The following KRT75 variants were observed in gnomAD, a reference collection of about 807,000 sequenced individuals.
KRT75 encodes keratin, type II cytoskeletal 75.
KRT75 carries 35 observed loss-of-function variants against 48.8 expected under a neutral mutation model. The ratio of observed to expected loss-of-function variants is 0.72; its 90% CI spans 0.55 to 0.95. The LOEUF (loss-of-function observed/expected upper bound fraction) is 0.95, where lower values mean the gene tolerates loss of function less well. Ranked by LOEUF, KRT75 falls within the 40% of genes least tolerant of loss-of-function variation. The pLI is 0.00. For synonymous variants in KRT75, 301 were observed against 282.3 expected (o/e 1.07, Z -0.66); for missense variants, 776 against 709.9 (o/e 1.09, Z -1.06).
intron 8 of KRT75, 26 bp from the exon 9 acceptor site, chr12:52,424,781 C>T: frequency 6.4e-7 from 1 of 1,560,262 alleles, no homozygotes; most frequent in Non-Finnish European, 8.8e-7. Context: ...GAGGTGTGGT[C>T]AGATCAAGTG....
chr12:52,433,842 T>A lies in KRT75; in HGVS notation c.463A>T (p.Thr155Ser). Residue 155 changes from threonine (T) to serine (S), a missense_variant, in exon 1 of 9, where the codon ACC (threonine) becomes TCC (serine). Physicochemically the swap from Thr to Ser is moderately conservative, Grantham distance 58. Coordinates refer to ENST00000252245, the MANE Select transcript of KRT75 (RefSeq NM_004693.3). ...AAGGAGGCGAACTTATTGTTGAGGGTCTTGATCTGCTCGCGCTCCTCGGCC... is the reference window on the plus strand; with the variant it reads ...AAGGAGGCGAACTTATTGTTGAGGGACTTGATCTGCTCGCGCTCCTCGGCC... The part of the protein sequence containing the change: ...VRAEEREQIK[T>S]LNNKFASFID... The A allele has an allele frequency of 1.2e-6, 2 of 1,614,052 alleles. No homozygotes were observed. Among genetic ancestry groups the A allele is most frequent in the Non-Finnish European group, 1.7e-6 (2 of 1,180,002 alleles).
At position 52,428,459 on chromosome 12, in the gene KRT75, C is replaced by T. The variant is rs751653300; in HGVS notation, c.1179G>A (p.Thr393=). 8.1e-6 allele frequency: 13 copies of T among 1,613,698 alleles called. No homozygotes were observed. The highest frequency in any genetic ancestry group is 1.7e-5 in the Admixed American group (1 of 59,942). Residue 393 remains threonine (T), a synonymous_variant, in exon 7 of 9, where the codon ACG becomes ACA. Coordinates refer to ENST00000252245, the MANE Select transcript of KRT75 (RefSeq NM_004693.3). ...SVKKQCSSLQ[T]AIADAEQRGE... is the part of the protein sequence containing the mutation. ...CCCGCTGCTCTGCATCAGCAATGGC[C>T]GTTTGCAAGCTGGAACACTGTAAGG...
chr12:52,434,165 AG>A lies in KRT75; in HGVS notation c.139del (p.Leu47TrpfsTer85). 1 of 1,613,272 alleles carries A rather than the reference AG, an allele frequency of 6.2e-7. No homozygotes were observed. Among genetic ancestry groups the A allele is most frequent in the Non-Finnish European group, 8.5e-7 (1 of 1,179,476 alleles). On this transcript the variant is annotated frameshift_variant, in exon 1 of 9. Transcript: ENST00000252245. LOFTEE classifies it high-confidence loss of function. The stretch of plus-strand genomic sequence containing the variant: ...GGCCCCAGCACTGCTGATCCTTCCC[AG>A]GCCCCCACTCCCTGCTGCAGAGCGG... The part of the protein sequence containing the change: ...VARSAAGSGG[L>X]GRISSAGASF...
chr12:52,427,400 C>T (rs531784390), intron 7 of KRT75, among the ~76,000 whole-genome samples: 1 of 152,356 alleles, frequency 6.6e-6, no homozygotes, highest in Admixed American at 6.5e-5. Context: ...CAAGAGGTAA[C>T]AGCTGTTGAT....
In KRT75 at chr12:52,424,168, G is replaced by A. The variant is rs1403388030; in HGVS notation, c.*349C>T. ...TATAAACACTATGAGACAGGTGGGTGACAACCTGGCATTGAGAGACTCCCC... is the reference window on the plus strand; with the variant it reads ...TATAAACACTATGAGACAGGTGGGTAACAACCTGGCATTGAGAGACTCCCC... On this transcript the variant is annotated 3_prime_UTR_variant, in exon 9 of 9. Transcript: ENST00000252245. 7.5e-6 allele frequency: 3 copies of A among 397,910 alleles called. No individual in the cohort carries two copies. Among genetic ancestry groups the A allele is most frequent in the South Asian group, 2.3e-5 (1 of 44,384 alleles). 24.6% of individuals were successfully genotyped at this position (397,910 alleles called of 1,614,324 possible). A position where few individuals can be genotyped will look rare whatever the true frequency, so the allele number is the denominator to read the frequency against.
chr12:52,428,722 C>A lies in KRT75; in HGVS notation c.1057G>T (p.Ala353Ser), dbSNP rs140579691. ...QTKYEELQVT[A>S]GRHGDDLRNT... is the part of the protein sequence containing the mutation. ...CGAAGGTCATCCCCATGTCTGCCTGCGGTGACCTGCAGCTCCTCGTACTGA... is the reference window on the plus strand; with the variant it reads ...CGAAGGTCATCCCCATGTCTGCCTGAGGTGACCTGCAGCTCCTCGTACTGA... Residue 353 changes from alanine (A) to serine (S), a missense_variant, in exon 6 of 9, where the codon GCA (alanine) becomes TCA (serine). Physicochemically the swap from Ala to Ser is moderately conservative, Grantham distance 99. Coordinates refer to ENST00000252245, the MANE Select transcript of KRT75 (RefSeq NM_004693.3). 9 of 1,614,020 alleles carry A rather than the reference C, an allele frequency of 5.6e-6. No individual in the cohort carries two copies. In the African/African-American group the frequency reaches 1.2e-4, roughly 22 times the overall value.
rs370035125 is a variant in KRT75, at chr12:52,434,159, C to A, written c.146G>T (p.Arg49Met). The change falls in exon 1 of 9, where the codon AGG (arginine) becomes ATG (methionine). Residue 49 changes from arginine to methionine, a missense_variant. Coordinates refer to ENST00000252245, the MANE Select transcript of KRT75 (RefSeq NM_004693.3). ...AAAGCTGGCCCCAGCACTGCTGATC[C>A]TTCCCAGGCCCCCACTCCCTGCTGC... ...RSAAGSGGLG[R>M]ISSAGASFGS... 58 of 1,613,434 alleles carry A rather than the reference C, an allele frequency of 3.6e-5. No individual in the cohort carries two copies. The highest frequency in any genetic ancestry group is 4.8e-5 in the Non-Finnish European group (57 of 1,179,622).
chr12:52,432,545 G>A (rs1400624099), intron 2 of KRT75, among the ~76,000 whole-genome samples: 2 of 152,104 alleles, frequency 1.3e-5, no homozygotes, highest in African/African-American at 2.4e-5. Flanking sequence ...GGGTTAGTCT[G>A]GACCAAATCC....
rs760723779 is a variant in KRT75, at chr12:52,424,592, C to T, written c.1581G>A (p.Arg527=). ...GGSGFSATSN[R]GLGGSGSSVK... ...CGCTAGAACCACTGCCCCCTAAGCC[C>T]CGGTTGCTGGTGGCACTGAATCCAG... The change falls in exon 9 of 9, where the codon CGG becomes CGA. Residue 527 remains arginine (R), a synonymous_variant. Transcript: ENST00000252245. 1.2e-6 allele frequency: 2 copies of T among 1,614,176 alleles called. No individual in the cohort carries two copies. The highest frequency in any genetic ancestry group is 1.7e-5 in the Admixed American group (1 of 60,020).
intron 5 of KRT75, 60 bp from the exon 6 acceptor site, chr12:52,428,803 T>G: frequency 6.2e-7 from 1 of 1,611,474 alleles, no homozygotes; most frequent in Non-Finnish European, 8.5e-7. Context: ...GCACTCGCTG[T>G]GCACACAGAC....
At position 52,428,389 on chromosome 12, in the gene KRT75, C is replaced by T. The variant is rs1381494646; in HGVS notation, c.1249G>A (p.Glu417Lys). 3 of 1,614,198 alleles carry T rather than the reference C, an allele frequency of 1.9e-6. No homozygotes were observed. The highest frequency in any genetic ancestry group is 2.5e-6 in the Non-Finnish European group (3 of 1,180,044). Residue 417 changes from glutamate (E) to lysine (K), a missense_variant, in exon 7 of 9, where the codon GAG becomes AAG. By Grantham distance (56) the Glu-to-Lys change is moderately conservative. Transcript: ENST00000252245. ...TGCTTGGCCTTCTGCAGGGCCTCCT[C>T]AAGGTCCACCAGCTTGGCCCGTGCA... ...KDARAKLVDL[E>K]EALQKAKQDM... is the part of the protein sequence containing the mutation.
At position 52,434,231 on chromosome 12, in the gene KRT75, G is replaced by A. The variant is rs777669847; in HGVS notation, c.74C>T (p.Pro25Leu). Residue 25 changes from proline (P) to leucine (L), a missense_variant, in exon 1 of 9, where the codon CCG becomes CTG. Coordinates refer to ENST00000252245, the MANE Select transcript of KRT75 (RefSeq NM_004693.3). ...RGFSTTSAIT[P>L]AAGRSRFSSV... is the part of the protein sequence containing the mutation. ...GCTGAAGCGGGAGCGGCCAGCTGCCGGGGTGATGGCCGAGGTGGTGCTGAA... is the reference window on the plus strand; with the variant it reads ...GCTGAAGCGGGAGCGGCCAGCTGCCAGGGTGATGGCCGAGGTGGTGCTGAA... The A allele has an allele frequency of 3.1e-5, 49 of 1,592,430 alleles. No individual in the cohort carries two copies. Among genetic ancestry groups the A allele is most frequent in the Admixed American group, 1.0e-4 (6 of 58,798 alleles).
intron 7 of KRT75, among the ~76,000 whole-genome samples, chr12:52,427,147 T>C (rs760800880): frequency 9.9e-5 from 15 of 152,228 alleles, no homozygotes; most frequent in Non-Finnish European, 2.2e-4. Context: ...AAAGTAATCA[T>C]ATACTGGCAT....
At chr12:52,427,457 G>C (rs1393738198) in intron 7 of KRT75, among the ~76,000 whole-genome samples, 1 of 152,174 alleles carries the variant, frequency 6.6e-6, no homozygotes, top group Non-Finnish European at 1.5e-5. Flanking sequence ...ACAACCCCAT[G>C]AGGTAGGTAT....
intron 8 of KRT75, among the ~76,000 whole-genome samples, chr12:52,425,027 C>T (rs2121512180): frequency 6.6e-6 from 1 of 152,326 alleles, no homozygotes; most frequent in African/African-American, 2.4e-5. Context: ...AGTCCACCTG[C>T]TTTCCCTTTG....
At chr12:52,430,367 T>C (rs1940127306) in intron 5 of KRT75, among the ~76,000 whole-genome samples, 174 bp downstream of exon 5, 1 of 152,140 alleles carries the variant, frequency 6.6e-6, no homozygotes, top group Non-Finnish European at 1.5e-5. Flanking sequence ...TATTAGTGTG[T>C]CTGGTTCGGT....
intron 8 of KRT75, among the ~76,000 whole-genome samples, chr12:52,426,119 T>C (rs1403246268): frequency 6.6e-6 from 1 of 152,204 alleles, no homozygotes; most frequent in South Asian, 2.1e-4. Context: ...AACTCACTTG[T>C]AGAGGGTGAG....
chr12:52,428,836 G>T, intron 5 of KRT75, 93 bp from the exon 6 acceptor site: 1 of 1,500,464 alleles, frequency 6.7e-7, no homozygotes, highest in Non-Finnish European at 9.3e-7. Context: ...CCACAAGCAG[G>T]CTCATTCATT....
chr12:52,431,194 CT>C (rs5798211), intron 4 of KRT75, among the ~76,000 whole-genome samples: 88,738 of 146,484 alleles, frequency 0.61, 26,645 homozygotes, highest in Admixed American at 0.7. Context: ...GACAGCTTGC[CT>C]TTTTTTTTTT....
Sources: allele counts gnomAD v4.1 joint callset (sites outside exome capture counted in the v4.1 genomes callset), GRCh38; gene constraint gnomAD v4.1.1; transcripts MANE v1.5; gene names NCBI Gene and HGNC (gene_info 2026-07-23, HGNC 2026-07-21).